Variants in TMEM209 observed in about 807,000 individuals in gnomAD.
TMEM209 encodes the protein transmembrane protein 209.
Under a neutral mutation model 76.2 loss-of-function variants are expected in TMEM209, and 65 were observed. That is an observed-to-expected ratio of 0.85 (90% CI 0.70 to 1.05). The LOEUF (loss-of-function observed/expected upper bound fraction) is 1.05. TMEM209 is among the 50% of genes least tolerant of loss of function. The pLI is 0.00. For synonymous variants in TMEM209, 239 were observed against 237.6 expected, an observed-to-expected ratio of 1.01 and a Z score of -0.06; for missense variants, 623 against 685.5, an observed-to-expected ratio of 0.91 and a Z score of 1.02.
At chr7:130,205,145 G>C (rs1798398911) in intron 1 of TMEM209, 1 of 1,456,902 alleles carries the variant, frequency 6.9e-7, no homozygotes, top group Non-Finnish European at 9.0e-7. Flanking sequence ...AATAGCTTTC[G>C]CGCCACTCAG....
In TMEM209 at chr7:130,181,549, C is replaced by T. The variant is rs890467257; in HGVS notation, c.1120+74G>A. The T allele has an allele frequency of 3.7e-5, 47 of 1,264,478 alleles. No individual in the cohort carries two copies. In the Admixed American group the frequency reaches 6.2e-4, roughly 17 times the overall value. The allele number at this position is 1,264,478 out of a possible 1,614,324, so 78.3% of individuals were successfully genotyped here. A position where few individuals can be genotyped will look rare whatever the true frequency, so the allele number is the denominator to read the frequency against. Reference sequence around the variant, plus strand: ...CCCAAGGTAACAAAATAAGTTAAGCCGTCCATTACAAGAAGTTTTCCACTT... The same window carrying T: ...CCCAAGGTAACAAAATAAGTTAAGCTGTCCATTACAAGAAGTTTTCCACTT... On this transcript the variant is annotated intron_variant, in intron 9 of 14. Transcript: ENST00000397622.
At position 130,201,931 on chromosome 7, in the gene TMEM209, A is replaced by G; in HGVS notation, c.492T>C (p.Pro164=). ...CACCTGAGGACAGACCTTGCAGCTG[A>G]GGGCTGTAACCAGTCATACAGCTGG... ...FTTSCMTGYS[P]QLQGLSSGGS... Residue 164 remains proline (P), a synonymous_variant, in exon 5 of 15, where the codon CCT becomes CCC. Transcript: ENST00000397622. 6.2e-7 allele frequency: 1 copy of G among 1,613,928 alleles called. No individual in the cohort carries two copies.
chr7:130,199,738 T>G (rs570409911), intron 5 of TMEM209: 8 of 152,186 alleles, frequency 5.3e-5, no homozygotes, highest in Non-Finnish European at 8.8e-5. Context: ...AATTATATTT[T>G]GGTGGTGTCA....
intron 8 of TMEM209, 46 bp downstream of exon 8, chr7:130,184,138 T>A: frequency 7.7e-7 from 1 of 1,302,150 alleles, no homozygotes; most frequent in Non-Finnish European, 1.1e-6. Flanking sequence ...ATGCTTTGCA[T>A]ATTAAGAGGC....
chr7:130,166,053 T>TA lies in TMEM209; in HGVS notation c.*397dup, dbSNP rs766149383. ...AGTCTGCGTTGACAGAGACCCTCTC[T>TA]AAAAAAAAAAAAGACTGAAAAAAAT... On this transcript the variant is annotated 3_prime_UTR_variant, in exon 15 of 15. Transcript: ENST00000397622. 2.1e-3 allele frequency: 288 copies of TA among 139,296 alleles called. No individual in the cohort carries two copies. Among genetic ancestry groups the TA allele is most frequent in the South Asian group, 3.8e-3 (17 of 4,520 alleles). The allele number at this position is 139,296 out of a possible 1,614,324, so 8.6% of individuals were successfully genotyped here.
At chr7:130,171,904 G>A (rs773813196) in intron 13 of TMEM209, among the ~76,000 whole-genome samples, 16 of 152,084 alleles carry the variant, frequency 1.1e-4, no homozygotes, top group African/African-American at 1.7e-4. Flanking sequence ...GTGGTGGCAC[G>A]CGCCTGTAGT....
At chr7:130,195,519 C>A (rs998263960) in intron 5 of TMEM209, among the ~76,000 whole-genome samples, 1 of 151,686 alleles carries the variant, frequency 6.6e-6, no homozygotes, top group African/African-American at 2.4e-5. Flanking sequence ...TAGGAAACAG[C>A]TTTTCGAACT....
chr7:130,184,742 T>C (rs199810543), intron 7 of TMEM209, among the ~76,000 whole-genome samples: 1 of 152,186 alleles, frequency 6.6e-6, no homozygotes, highest in African/African-American at 2.4e-5. Flanking sequence ...CACCCGCCTC[T>C]GCCTCCCAAA....
chr7:130,190,468 A>C (rs1797756080), intron 6 of TMEM209, among the ~76,000 whole-genome samples: 1 of 151,894 alleles, frequency 6.6e-6, no homozygotes, highest in Admixed American at 6.6e-5. Context: ...CAGTAAGCCG[A>C]GATCGCACCA....
chr7:130,170,626 T>C (rs1797037169), intron 13 of TMEM209, among the ~76,000 whole-genome samples, 153 bp from the exon 14 acceptor site: 1 of 152,190 alleles, frequency 6.6e-6, no homozygotes, highest in Admixed American at 6.5e-5. Context: ...ACCTACGCTT[T>C]GTGCTAGGAA....
intron 13 of TMEM209, among the ~76,000 whole-genome samples, chr7:130,172,429 G>A (rs1185324713): frequency 1.1e-4 from 16 of 151,842 alleles, no homozygotes; most frequent in African/African-American, 2.7e-4. Context: ...TGCAAGCTCC[G>A]CCTCCTGGGT....
chr7:130,176,790 C>T (rs1797250249), intron 10 of TMEM209, among the ~76,000 whole-genome samples: 2 of 151,996 alleles, frequency 1.3e-5, no homozygotes, highest in Non-Finnish European at 2.9e-5. Context: ...ACAAACATTG[C>T]CAAAAAATTA....
intron 14 of TMEM209, among the ~76,000 whole-genome samples, chr7:130,167,890 A>C (rs1360132652): frequency 2.0e-5 from 3 of 152,142 alleles, no homozygotes; most frequent in Non-Finnish European, 2.9e-5. Context: ...TATTTGAAAA[A>C]ATATTCATGT....
In TMEM209 at chr7:130,202,036, T is replaced by A; in HGVS notation, c.387A>T (p.Pro129=). ...TCTGACCCTGAATTGAAGGGGAAGG[T>A]GGAGCGGGAGGGATTTGGGTTGCTG... ...DLAATQIPPA[P]PSPSIQGQSV... Residue 129 remains proline, a synonymous_variant, in exon 5 of 15, where the codon CCA becomes CCT. Transcript: ENST00000397622. 1 of 1,613,412 alleles carries A rather than the reference T, an allele frequency of 6.2e-7. No homozygotes were observed. The highest frequency in any genetic ancestry group is 2.2e-5 in the East Asian group (1 of 44,878).
At chr7:130,192,959 G>T in intron 5 of TMEM209, 136 bp from the exon 6 acceptor site, 1 of 772,098 alleles carries the variant, frequency 1.3e-6, no homozygotes, top group Non-Finnish European at 2.1e-6. Context: ...TGATGAGGTT[G>T]TGGAACAACA....
intron 5 of TMEM209, among the ~76,000 whole-genome samples, chr7:130,198,238 C>T (rs1798057621): frequency 6.6e-6 from 1 of 152,110 alleles, no homozygotes; most frequent in Admixed American, 6.5e-5. Flanking sequence ...TACCATACAC[C>T]TATCATTTTT....
chr7:130,204,998 A>T (rs1798387963), intron 1 of TMEM209: 1 of 1,167,068 alleles, frequency 8.6e-7, no homozygotes, highest in Non-Finnish European at 1.1e-6. Context: ...AGTAAGAGGG[A>T]GAGAGGGGAA....
chr7:130,181,311 T>C (rs1235501722), intron 9 of TMEM209, among the ~76,000 whole-genome samples: 2 of 152,122 alleles, frequency 1.3e-5, no homozygotes, highest in East Asian at 3.9e-4. Flanking sequence ...CTGGGAGAAA[T>C]GTATAGAACA....
chr7:130,170,129 G>C (rs930309688), intron 14 of TMEM209, among the ~76,000 whole-genome samples: 1 of 152,192 alleles, frequency 6.6e-6, no homozygotes. Flanking sequence ...TAAACGGCAA[G>C]AGTCTAATTT....
Sources: allele counts gnomAD v4.1 joint callset (sites outside exome capture counted in the v4.1 genomes callset), GRCh38; gene constraint gnomAD v4.1.1; transcripts MANE v1.5; gene names NCBI Gene and HGNC (gene_info 2026-07-23, HGNC 2026-07-21).